Variants in NSUN6 observed in about 807,000 individuals in gnomAD.
NSUN6 encodes NOP2/Sun RNA methyltransferase 6, also known as tRNA (cytosine(72)-C(5))-methyltransferase NSUN6.
A neutral mutation model predicts 58.0 loss-of-function variants in NSUN6; 64 were observed. The ratio of observed to expected loss-of-function variants is 1.10; its 90% CI spans 0.90 to 1.36. The LOEUF is 1.36. Among genes scored for constraint, NSUN6 ranks in the 40% most tolerant of loss-of-function variants. The pLI is 0.00. For missense variants in NSUN6, 701 were observed against 550.1 expected (o/e 1.27, Z -2.74); for synonymous variants, 231 against 193.9 (o/e 1.19, Z -1.59).
intron 8 of NSUN6, among the ~76,000 whole-genome samples, chr10:18,567,793 C>T (rs1056853841): frequency 6.7e-6 from 1 of 150,144 alleles, no homozygotes; most frequent in Admixed American, 6.7e-5. Context: ...TTGCATTCTA[C>T]ATTCTTCATT....
intron 3 of NSUN6, among the ~76,000 whole-genome samples, chr10:18,633,095 TG>T (rs1175646277): frequency 2.6e-5 from 4 of 151,960 alleles, no homozygotes; most frequent in Admixed American, 2.0e-4. Flanking sequence ...GATGAGTTCG[TG>T]TCCTTTGTAG....
At chr10:18,570,142 T>TTCCATTCCATTC (rs1355206871) in intron 8 of NSUN6, among the ~76,000 whole-genome samples, 1 of 151,106 alleles carries the variant, frequency 6.6e-6, no homozygotes, top group Non-Finnish European at 1.5e-5. Context: ...CCATTTCGCA[T>TTCCATTCCATTC]TCCATTCCAT....
intron 6 of NSUN6, among the ~76,000 whole-genome samples, chr10:18,609,628 CAAAG>C (rs2058161914): frequency 6.6e-6 from 1 of 151,606 alleles, no homozygotes; most frequent in Non-Finnish European, 1.5e-5. Flanking sequence ...CACCTTTGGG[CAAAG>C]AAAGATAGAA....
chr10:18,623,450 G>A (rs2131406078), intron 3 of NSUN6, among the ~76,000 whole-genome samples: 1 of 152,282 alleles, frequency 6.6e-6, no homozygotes, highest in African/African-American at 2.4e-5. Context: ...AGTGAACTTT[G>A]AGCCAAACCT....
chr10:18,658,282 T>C (rs1288513822), upstream of NSUN6: 1 of 152,234 alleles, frequency 6.6e-6, no homozygotes, highest in Non-Finnish European at 1.5e-5. Context: ...CTTTAAACCA[T>C]AGCACTGGGA....
At chr10:18,632,109 CAACT>C (rs1166673382) in intron 3 of NSUN6, among the ~76,000 whole-genome samples, 1 of 151,266 alleles carries the variant, frequency 6.6e-6, no homozygotes, top group African/African-American at 2.4e-5. Context: ...CGCATATCTA[CAACT>C]ATCTGATCTT....
chr10:18,625,273 T>C (rs139619313), intron 3 of NSUN6, among the ~76,000 whole-genome samples: 80 of 152,346 alleles, frequency 5.3e-4, no homozygotes, highest in African/African-American at 1.7e-3. Flanking sequence ...GAATCTCTGA[T>C]GCAGGTAATA....
intron 3 of NSUN6, among the ~76,000 whole-genome samples, chr10:18,629,032 C>T (rs1438182391): frequency 6.6e-6 from 1 of 152,176 alleles, no homozygotes; most frequent in African/African-American, 2.4e-5. Flanking sequence ...CAAAGGGAAG[C>T]CCATCAGACT....
intron 3 of NSUN6, among the ~76,000 whole-genome samples, chr10:18,638,828 CCAA>C (rs2059301946): frequency 6.6e-6 from 1 of 151,158 alleles, no homozygotes; most frequent in African/African-American, 2.4e-5. Context: ...ACTGTACTCA[CCAA>C]CAACGACATT....
At chr10:18,606,809 C>T (rs1423233373) in intron 6 of NSUN6, among the ~76,000 whole-genome samples, 1 of 152,114 alleles carries the variant, frequency 6.6e-6, no homozygotes, top group Non-Finnish European at 1.5e-5. Flanking sequence ...ACCCATATTA[C>T]AAGTTTTTCA....
intron 6 of NSUN6, among the ~76,000 whole-genome samples, chr10:18,598,920 G>T (rs2057699689): frequency 6.6e-6 from 1 of 152,188 alleles, no homozygotes; most frequent in African/African-American, 2.4e-5. Flanking sequence ...ATTGGCCAAA[G>T]ATTATGTAAG....
rs1564803578 is a variant in NSUN6, at chr10:18,614,582, GTA to G, written c.451_452del (p.Tyr151LeufsTer2). On this transcript the variant is annotated frameshift_variant, in exon 5 of 11. Transcript: ENST00000377304. LOFTEE classifies it high-confidence loss of function. Reference protein sequence around the residue: ...FMKAGDVISVYSDIKGKCKKG... With the variant: ...FMKAGDVISVXSDIKGKCKKG... ...TCTTACATTTTCCTTTAATATCAGA[GTA>G]TACAGAAATAACATCTCCAGCTTTC... The G allele has an allele frequency of 6.8e-7, 1 of 1,478,310 alleles. No individual in the cohort carries two copies. Among genetic ancestry groups the G allele is most frequent in the East Asian group, 2.4e-5 (1 of 41,468 alleles). 91.6% of individuals were successfully genotyped at this position (1,478,310 alleles called of 1,614,324 possible).
intron 3 of NSUN6, among the ~76,000 whole-genome samples, chr10:18,622,931 C>T (rs2058663544): frequency 6.6e-6 from 1 of 152,098 alleles, no homozygotes; most frequent in Admixed American, 6.5e-5. Context: ...TGGTTTTTGG[C>T]CTAAAAAGTT....
chr10:18,600,651 G>A (rs1359297742), intron 6 of NSUN6, among the ~76,000 whole-genome samples: 4 of 151,696 alleles, frequency 2.6e-5, no homozygotes, highest in East Asian at 2.0e-4. Flanking sequence ...CTACCTGGCC[G>A]GTGCAGTGGC....
chr10:18,650,515 A>G (rs2059672585), intron 1 of NSUN6, among the ~76,000 whole-genome samples: 2 of 152,338 alleles, frequency 1.3e-5, no homozygotes, highest in Admixed American at 1.3e-4. Flanking sequence ...CACGTAATTT[A>G]CAAAGCACTA....
chr10:18,613,736 A>G (rs1466363077), intron 5 of NSUN6, among the ~76,000 whole-genome samples: 2 of 152,210 alleles, frequency 1.3e-5, no homozygotes, highest in African/African-American at 4.8e-5. Flanking sequence ...AATGAATTTC[A>G]ATTACAAACC....
At chr10:18,603,216 C>G (rs912581983) in intron 6 of NSUN6, among the ~76,000 whole-genome samples, 1 of 152,150 alleles carries the variant, frequency 6.6e-6, no homozygotes, top group Non-Finnish European at 1.5e-5. Context: ...TCGGTTGAAC[C>G]TGGGAGGCGG....
At chr10:18,571,665 C>A (rs7068575) in intron 8 of NSUN6, among the ~76,000 whole-genome samples, 2 of 150,158 alleles carry the variant, frequency 1.3e-5, no homozygotes, top group Non-Finnish European at 3.0e-5. Flanking sequence ...CATTCTCCAT[C>A]CCATTCCAAT....
At chr10:18,622,164 T>C (rs746043610) in intron 3 of NSUN6, among the ~76,000 whole-genome samples, 7 of 152,148 alleles carry the variant, frequency 4.6e-5, no homozygotes, top group Admixed American at 2.6e-4. Flanking sequence ...GTGATGGTAT[T>C]TGGAGAAGTC....
Sources: allele counts gnomAD v4.1 joint callset (sites outside exome capture counted in the v4.1 genomes callset), GRCh38; gene constraint gnomAD v4.1.1; transcripts MANE v1.5; gene names NCBI Gene and HGNC (gene_info 2026-07-23, HGNC 2026-07-21).